Variants in CNKSR2 observed in about 807,000 individuals in gnomAD.
CNKSR2 encodes CNK homolog protein 2.
A neutral mutation model predicts 84.4 loss-of-function variants in CNKSR2; 14 were observed. The ratio of observed to expected loss-of-function variants is 0.17; its 90% confidence interval spans 0.11 to 0.26. The LOEUF (loss-of-function observed/expected upper bound fraction) is 0.26. Among genes scored for constraint, CNKSR2 ranks in the 10% least tolerant of loss-of-function variants. The pLI is 1.00. For missense variants in CNKSR2, 485 were observed against 771.2 expected (o/e 0.63, Z 4.40); for synonymous variants, 275 against 277.9 (o/e 0.99, Z 0.10).
At chrX:21,410,684 G>C (rs2090331999) in intron 1 of CNKSR2, among the ~76,000 whole-genome samples, 1 of 111,287 alleles carries the variant, frequency 9.0e-6, no homozygotes, top group Non-Finnish European at 1.9e-5. Flanking sequence ...TAAAAGTAAT[G>C]ATAGTTTAGT....
intron 1 of CNKSR2, among the ~76,000 whole-genome samples, chrX:21,416,854 C>CTTTG (rs111477960): frequency 0.2 from 21,954 of 110,512 alleles, 5,278 homozygotes; most frequent in African/African-American, 0.68. Flanking sequence ...GGTTTGTCAA[C>CTTTG]TTTAACTTTT....
In CNKSR2 at chrX:21,392,416, G is replaced by A. The variant is rs775067766; in HGVS notation, c.64+17455G>A. 3.6e-4 allele frequency among the ~76,000 whole-genome samples: 40 copies of A among 112,099 alleles called. No individual in the cohort carries two copies. In the East Asian group the frequency reaches 9.5e-3, roughly 27 times the overall value. ...ACAGGCTGTACAGGAAGCATTGCTG[G>A]GGAGGCCTCGCGAAACTTTCAATCA... On this transcript the variant is annotated intron_variant, in intron 1 of 21. Coordinates refer to ENST00000379510, the MANE Select transcript of CNKSR2 (RefSeq NM_014927.5).
At chrX:21,618,476 C>T (rs910808647) in intron 20 of CNKSR2, among the ~76,000 whole-genome samples, 1 of 111,936 alleles carries the variant, frequency 8.9e-6, no homozygotes, top group Non-Finnish European at 1.9e-5. Context: ...AAACTTAGAG[C>T]AGCTTCTTGT....
rs182207478 is a variant in CNKSR2, at chrX:21,432,843, T to C, written c.431+29T>C. 90 of 1,182,400 alleles carry C rather than the reference T, an allele frequency of 7.6e-5. No homozygotes were observed. The Admixed American group carries it at 2.0e-3, about 26-fold the overall frequency. Reference sequence around the variant, plus strand: ...AAGTCTTCCGCATGTTTCATAAGTATCCTCTCCTCAGACACCAGTTTGAAT... The same window carrying C: ...AAGTCTTCCGCATGTTTCATAAGTACCCTCTCCTCAGACACCAGTTTGAAT... On this transcript the variant is annotated intron_variant, in intron 3 of 21. Transcript: ENST00000379510.
chrX:21,428,362 A>G (rs768459482), intron 2 of CNKSR2: 3 of 112,029 alleles, frequency 2.7e-5, no homozygotes, highest in Non-Finnish European at 3.8e-5. Flanking sequence ...AAGCTATACT[A>G]TATTTTCGTC....
At chrX:21,452,030 A>G (rs2147107038) in intron 4 of CNKSR2, among the ~76,000 whole-genome samples, 1 of 111,417 alleles carries the variant, frequency 9.0e-6, no homozygotes, top group African/African-American at 3.3e-5. Context: ...AAGTTACAAG[A>G]CAGCTATTAA....
intron 4 of CNKSR2, among the ~76,000 whole-genome samples, chrX:21,469,802 C>CTA (rs1025095055): frequency 6.3e-5 from 7 of 110,394 alleles, no homozygotes; most frequent in Non-Finnish European, 1.3e-4. Flanking sequence ...ATCCCAGCTA[C>CTA]TAGGGAGGCT....
intron 11 of CNKSR2, among the ~76,000 whole-genome samples, chrX:21,536,614 C>G (rs1281256518): frequency 9.1e-6 from 1 of 109,794 alleles, no homozygotes; most frequent in Non-Finnish European, 1.9e-5. Context: ...TTATATGAGT[C>G]CAGGAATTTA....
intron 12 of CNKSR2, among the ~76,000 whole-genome samples, chrX:21,562,368 T>A (rs770507402): frequency 9.0e-6 from 1 of 111,720 alleles, no homozygotes; most frequent in Non-Finnish European, 1.9e-5. Context: ...TTGACCCGTT[T>A]TCTTGTTATT....
chrX:21,558,818 T>C (rs2092162215), intron 11 of CNKSR2, among the ~76,000 whole-genome samples: 1 of 111,542 alleles, frequency 9.0e-6, no homozygotes, highest in Admixed American at 9.6e-5. Context: ...AACTAGCTTT[T>C]TAATATATAT....
intron 20 of CNKSR2, among the ~76,000 whole-genome samples, chrX:21,639,266 T>C (rs1470095035): frequency 9.0e-6 from 1 of 111,662 alleles, no homozygotes; most frequent in African/African-American, 3.3e-5. Context: ...AAGTCCAAGA[T>C]AGAAGGACAG....
At position 21,426,504 on chromosome X, in the gene CNKSR2, T is replaced by G. The variant is rs764065873; in HGVS notation, c.72T>G (p.Asp24Glu). The change falls in exon 2 of 22, where the codon GAT becomes GAG. Residue 24 changes from aspartate (D) to glutamate (E), a missense_variant. Asp to Glu is a conservative substitution (Grantham distance 45). Around this residue, in one of 5 missense-constraint regions of CNKSR2, gnomAD observed 109 missense variants for 197.5 expected, o/e 0.55. Coordinates refer to ENST00000379510, the MANE Select transcript of CNKSR2 (RefSeq NM_014927.5). ...CATACTTTTATTTTGTAGGTCTTGA[T>G]GACTGTTTGCAGCAGTATATTAAGA... Reference protein sequence around the residue: ...SQVVDWMKGLDDCLQQYIKNF... With the variant: ...SQVVDWMKGLEDCLQQYIKNF... 34 of 1,207,854 alleles carry G rather than the reference T, an allele frequency of 2.8e-5. No homozygotes were observed. The highest frequency in any genetic ancestry group is 3.8e-5 in the Non-Finnish European group (34 of 892,953).
chrX:21,593,347 A>G (rs1156756605), intron 15 of CNKSR2: 2 of 112,140 alleles, frequency 1.8e-5, no homozygotes, highest in African/African-American at 6.5e-5. Context: ...TATCAGTAGC[A>G]TCAGATTTTT....
chrX:21,504,574 A>G, intron 8 of CNKSR2: 1 of 241,358 alleles, frequency 4.1e-6, no homozygotes, highest in Non-Finnish European at 7.4e-6. Context: ...AAATACAAAA[A>G]TTATTTTAAA....
At chrX:21,383,588 T>C (rs2089928886) in intron 1 of CNKSR2, among the ~76,000 whole-genome samples, 1 of 112,208 alleles carries the variant, frequency 8.9e-6, no homozygotes, top group Non-Finnish European at 1.9e-5. Flanking sequence ...TTCTTAGAAA[T>C]TAAGTAGGTT....
chrX:21,395,441 T>C (rs1045527497), intron 1 of CNKSR2, among the ~76,000 whole-genome samples: 1 of 111,782 alleles, frequency 8.9e-6, no homozygotes, highest in African/African-American at 3.2e-5. Context: ...GATTTTATAC[T>C]TTCATTCAAA....
At chrX:21,558,234 T>C (rs1240226480) in intron 11 of CNKSR2, among the ~76,000 whole-genome samples, 2 of 111,511 alleles carry the variant, frequency 1.8e-5, no homozygotes, top group African/African-American at 3.2e-5. Context: ...CAGTCTGCCA[T>C]GGACTGCTAT....
intron 1 of CNKSR2, among the ~76,000 whole-genome samples, chrX:21,397,236 C>T (rs1203359046): frequency 9.0e-6 from 1 of 110,931 alleles, no homozygotes; most frequent in African/African-American, 3.3e-5. Flanking sequence ...TTTTGAGGTC[C>T]GTTTAGAGCT....
chrX:21,488,632 G>T (rs1281450924), intron 5 of CNKSR2, among the ~76,000 whole-genome samples: 1 of 111,677 alleles, frequency 9.0e-6, no homozygotes, highest in Non-Finnish European at 1.9e-5. Flanking sequence ...TTTCTTTAGT[G>T]TAAAGAATCT....
Sources: allele counts gnomAD v4.1 joint callset (sites outside exome capture counted in the v4.1 genomes callset), GRCh38; gene constraint gnomAD v4.1.1; regional missense constraint gnomAD v4.1.1; transcripts MANE v1.5; gene names NCBI Gene and HGNC (gene_info 2026-07-23, HGNC 2026-07-21).